Variants in RIMS2 observed in about 807,000 individuals in gnomAD.
The protein encoded by RIMS2 is regulating synaptic membrane exocytosis protein 2.
A neutral mutation model predicts 174.4 loss-of-function variants in RIMS2; 59 were observed. The observed-to-expected ratio is 0.34, with a 90% CI of 0.27 to 0.42. The LOEUF is 0.42. RIMS2 is among the 10% of genes least tolerant of loss of function. The pLI, the probability that RIMS2 is intolerant of heterozygous loss-of-function variation, is 1.00. For synonymous variants in RIMS2, 606 were observed against 572.5 expected, an observed-to-expected ratio of 1.06 and a Z score of -0.84; for missense variants, 1,620 against 1,666.3, an observed-to-expected ratio of 0.97 and a Z score of 0.48.
rs186655992 is a variant in RIMS2 at position 104,024,105 on chromosome 8, G to A, written c.3334+9490G>A. Among the ~76,000 whole-genome samples the A allele has an allele frequency of 2.2e-4, 33 of 152,230 alleles. No homozygotes were observed. In the East Asian group the frequency reaches 6.0e-3, roughly 28 times the overall value. On this transcript the variant is annotated intron_variant, in intron 19 of 23. Transcript: ENST00000504942. ...GCAGACACCTTTGAAAGGCTGTAAA[G>A]GGAAGAAAAGAAAAATATCTAGAGC...
chr8:103,753,559 G>A (rs925561251), intron 2 of RIMS2, among the ~76,000 whole-genome samples: 1 of 150,198 alleles, frequency 6.7e-6, no homozygotes, highest in African/African-American at 2.4e-5. Flanking sequence ...TGTGAATCCT[G>A]GACTTTTTTT....
At chr8:104,143,241 G>A (rs1010838023) in intron 19 of RIMS2, among the ~76,000 whole-genome samples, 1 of 152,122 alleles carries the variant, frequency 6.6e-6, no homozygotes, top group Non-Finnish European at 1.5e-5. Flanking sequence ...ATCATAGATG[G>A]TAATCTGAGT....
intron 19 of RIMS2, among the ~76,000 whole-genome samples, chr8:104,101,651 T>C (rs2131101422): frequency 6.6e-6 from 1 of 152,322 alleles, no homozygotes; most frequent in South Asian, 2.1e-4. Flanking sequence ...GTTACCTTTC[T>C]TTCTTTTATT....
At chr8:104,015,874 T>A (rs560163416) in intron 19 of RIMS2, among the ~76,000 whole-genome samples, 2 of 152,252 alleles carry the variant, frequency 1.3e-5, no homozygotes, top group South Asian at 4.1e-4. Flanking sequence ...ATGATGTTTT[T>A]AATTATTAAA....
At position 104,066,676 on chromosome 8, in the gene RIMS2, G is replaced by C. The variant is rs576642225; in HGVS notation, c.3334+52061G>C. Among the ~76,000 whole-genome samples the C allele has an allele frequency of 3.9e-5, 6 of 152,130 alleles. No individual in the cohort carries two copies. The South Asian group carries it at 1.2e-3, about 31-fold the overall frequency. ...ATTTACATCATGGAGGCACTCACCT[G>C]GTTTTATATGTCATTCAAATTATAT... On this transcript the variant is annotated intron_variant, in intron 19 of 23. Coordinates refer to ENST00000504942, the Ensembl canonical transcript of RIMS2.
chr8:103,514,942 A>C (rs1039446382), intron 1 of RIMS2, among the ~76,000 whole-genome samples: 2 of 152,148 alleles, frequency 1.3e-5, no homozygotes, highest in African/African-American at 2.4e-5. Flanking sequence ...AACAAAAAAA[A>C]ACACACACAA....
chr8:104,016,151 T>C (rs944094967), intron 19 of RIMS2, among the ~76,000 whole-genome samples: 9 of 152,050 alleles, frequency 5.9e-5, no homozygotes, highest in Admixed American at 5.2e-4. Flanking sequence ...ACTTGTTGAC[T>C]GTTTACTTAT....
intron 19 of RIMS2, among the ~76,000 whole-genome samples, chr8:104,049,542 A>G (rs2096750888): frequency 6.6e-6 from 1 of 152,216 alleles, no homozygotes; most frequent in Non-Finnish European, 1.5e-5. Flanking sequence ...GGTACAGGCA[A>G]TAAAACAAGA....
In RIMS2 at chr8:103,651,658, T is replaced by C. The variant is rs1443100657; in HGVS notation, c.177-45428T>C. Among the ~76,000 whole-genome samples the C allele has an allele frequency of 3.3e-5, 5 of 152,320 alleles. No homozygotes were observed. The East Asian group carries it at 7.7e-4, about 23-fold the overall frequency. ...ATAATTAACTTATGAATATTTCTAATTTAATATACCTAGTTATTTTAATAG... is the reference window on the plus strand; with the variant it reads ...ATAATTAACTTATGAATATTTCTAACTTAATATACCTAGTTATTTTAATAG... On this transcript the variant is annotated intron_variant, in intron 1 of 23. Coordinates refer to ENST00000504942, the Ensembl canonical transcript of RIMS2.
chr8:104,099,658 G>C (rs1228187402), intron 19 of RIMS2, among the ~76,000 whole-genome samples: 1 of 151,870 alleles, frequency 6.6e-6, no homozygotes, highest in African/African-American at 2.4e-5. Flanking sequence ...AAAATTTCTG[G>C]GATTTTGATA....
chr8:104,052,340 G>GA (rs2096800271), intron 19 of RIMS2, among the ~76,000 whole-genome samples: 1 of 152,052 alleles, frequency 6.6e-6, no homozygotes, highest in Non-Finnish European at 1.5e-5. Context: ...TATGCTAATA[G>GA]AAAAAATAAT....
chr8:103,701,085 A>G (rs2097161182), intron 2 of RIMS2, among the ~76,000 whole-genome samples: 1 of 151,974 alleles, frequency 6.6e-6, no homozygotes, highest in Admixed American at 6.6e-5. Flanking sequence ...CTTTTTGTAG[A>G]TCTATAATTA....
chr8:103,647,602 C>A (rs917925466), intron 1 of RIMS2, among the ~76,000 whole-genome samples: 10 of 152,218 alleles, frequency 6.6e-5, no homozygotes, highest in African/African-American at 2.4e-4. Flanking sequence ...AATTTCAGAA[C>A]TTATTATTGG....
intron 1 of RIMS2, among the ~76,000 whole-genome samples, chr8:103,553,038 T>C (rs953042202): frequency 2.6e-5 from 4 of 152,200 alleles, no homozygotes; most frequent in African/African-American, 7.2e-5. Flanking sequence ...GACAGCGTGG[T>C]GATTCCTCAA....
rs1595375779 is a variant in RIMS2 at position 103,931,544 on chromosome 8, G to C, written c.2375+151G>C. ...CGTGATGTTCTTAGGAAACAAAATA[G>C]TGACAGTAAATAAGATTTTTTAAAA... On this transcript the variant is annotated intron_variant, in intron 12 of 23. Transcript: ENST00000504942. 3 of 460,852 alleles carry C rather than the reference G, an allele frequency of 6.5e-6. No homozygotes were observed. In the East Asian group the frequency reaches 1.2e-4, roughly 18 times the overall value. The allele number at this position is 460,852 out of a possible 1,614,324, so 28.5% of individuals were successfully genotyped here.
chr8:104,149,748 TC>T (rs1337114835), intron 19 of RIMS2, among the ~76,000 whole-genome samples: 6 of 152,200 alleles, frequency 3.9e-5, no homozygotes, highest in African/African-American at 1.4e-4. Context: ...CAGATATAAA[TC>T]TACAGCACAA....
chr8:104,119,361 A>G (rs778232623), intron 19 of RIMS2, among the ~76,000 whole-genome samples: 37 of 151,228 alleles, frequency 2.4e-4, no homozygotes, highest in Non-Finnish European at 4.3e-4. Flanking sequence ...CTCCATCTCA[A>G]AAACAAAAAA....
At position 103,500,904 on chromosome 8, in the gene RIMS2, GC is replaced by G; in HGVS notation, c.22del (p.Arg8GlyfsTer65). On this transcript the variant is annotated frameshift_variant, in exon 1 of 24. Coordinates refer to ENST00000504942, the Ensembl canonical transcript of RIMS2. LOFTEE classifies it high-confidence loss of function. ...CACCAAACATGTCGGCTCCTGTCGGGCCCCGGGGCCGCCTGGCTCCCATCCC... is the reference window on the plus strand; with the variant it reads ...CACCAAACATGTCGGCTCCTGTCGGGCCCGGGGCCGCCTGGCTCCCATCCC... The G allele has an allele frequency of 6.2e-7, 1 of 1,601,156 alleles. No individual in the cohort carries two copies. The highest frequency in any genetic ancestry group is 2.3e-5 in the East Asian group (1 of 44,098).
chr8:104,253,944 G>C (rs1409266296), downstream of RIMS2: 5 of 152,096 alleles, frequency 3.3e-5, no homozygotes, highest in East Asian at 9.6e-4. Flanking sequence ...ATGGACCCAG[G>C]TAAAGTTGTT....
Sources: gnomAD v4.1 joint callset for allele counts (sites outside exome capture counted in the v4.1 genomes callset) on GRCh38, gnomAD v4.1.1 for gene constraint, MANE v1.5 for transcripts, NCBI Gene and HGNC (gene_info 2026-07-23, HGNC 2026-07-21) for gene names.